Variants in CDH18 observed in about 807,000 individuals in gnomAD.
CDH18 encodes the protein cadherin-18.
CDH18 carries 31 observed loss-of-function variants against 67.9 expected under a neutral mutation model. That is an observed-to-expected ratio of 0.46 (90% CI 0.34 to 0.62). The LOEUF (loss-of-function observed/expected upper bound fraction) is 0.62. Ranked by LOEUF, CDH18 falls within the 20% of genes least tolerant of loss-of-function variation. CDH18 has a pLI of 0.01. For synonymous variants in CDH18, 362 were observed against 347.2 expected (o/e 1.04, Z -0.48); for missense variants, 890 against 975.5 (o/e 0.91, Z 1.17).
At chr5:20,439,113 A>G (rs1303867720) in intron 1 of CDH18, among the ~76,000 whole-genome samples, 1 of 151,534 alleles carries the variant, frequency 6.6e-6, no homozygotes, top group East Asian at 1.9e-4. Context: ...TTTTAGAAAT[A>G]TGTACATATT....
rs183779793 is a variant in CDH18 at position 20,420,071 on chromosome 5, C to A, written c.-580+155391G>T. Among the ~76,000 whole-genome samples the A allele has an allele frequency of 1.5e-3, 230 of 151,172 alleles. 2 individuals carry two copies. Among genetic ancestry groups the A allele is most frequent in the Middle Eastern group, 3.4e-3 (1 of 294 alleles). On this transcript the variant is annotated intron_variant, in intron 1 of 14. Coordinates refer to the CDH18 transcript ENST00000507958. ...TTAGAGTAATGCTGAACATTCACCA[C>A]CACAGCAGATTATGTGAGCCTGGAG...
chr5:20,556,554 G>A (rs527296232), intron 1 of CDH18, among the ~76,000 whole-genome samples: 24 of 152,144 alleles, frequency 1.6e-4, no homozygotes, highest in African/African-American at 5.8e-4. Flanking sequence ...TCACTCCTGC[G>A]TGCTCCAGCA....
chr5:20,046,894 C>A (rs1360486892), intron 2 of CDH18, among the ~76,000 whole-genome samples: 1 of 151,754 alleles, frequency 6.6e-6, no homozygotes, highest in Non-Finnish European at 1.5e-5. Context: ...AGAAACATCT[C>A]TTTCAAGAAA....
intron 1 of CDH18, among the ~76,000 whole-genome samples, chr5:20,411,827 G>A (rs958621673): frequency 1.3e-5 from 2 of 151,646 alleles, no homozygotes; most frequent in African/African-American, 4.8e-5. Flanking sequence ...ATCTAACCAA[G>A]GAAGTGAAAA....
At chr5:20,408,615 GC>G (rs1467605213) in intron 1 of CDH18, among the ~76,000 whole-genome samples, 1 of 151,250 alleles carries the variant, frequency 6.6e-6, no homozygotes. Flanking sequence ...AGAAATGAAA[GC>G]ATATTAATAC....
chr5:20,280,164 G>C (rs1561935333), intron 1 of CDH18, among the ~76,000 whole-genome samples: 1 of 151,464 alleles, frequency 6.6e-6, no homozygotes, highest in African/African-American at 2.4e-5. Context: ...ATTGAAAGAA[G>C]AAAAAAACTT....
chr5:20,082,686 G>A (rs1454251352), intron 2 of CDH18, among the ~76,000 whole-genome samples: 1 of 152,186 alleles, frequency 6.6e-6, no homozygotes, highest in African/African-American at 2.4e-5. Flanking sequence ...CAAAGATAAT[G>A]AAGTTAAAAT....
intron 1 of CDH18, among the ~76,000 whole-genome samples, chr5:20,515,352 T>A (rs1755299328): frequency 6.6e-6 from 1 of 150,460 alleles, no homozygotes; most frequent in African/African-American, 2.4e-5. Context: ...TCATGGCAAC[T>A]TTTCCCTGTA....
chr5:20,398,133 T>A (rs1745433449), intron 1 of CDH18, among the ~76,000 whole-genome samples: 1 of 152,172 alleles, frequency 6.6e-6, no homozygotes, highest in African/African-American at 2.4e-5. Flanking sequence ...GAATAATTCA[T>A]CATTTTAAAT....
chr5:19,756,976 C>A (rs1426007462), intron 3 of CDH18, among the ~76,000 whole-genome samples: 2 of 152,170 alleles, frequency 1.3e-5, no homozygotes, highest in Non-Finnish European at 2.9e-5. Context: ...CTCAGCCCTG[C>A]AAAGTATTGT....
At chr5:20,060,372 G>A (rs1742358763) in intron 2 of CDH18, among the ~76,000 whole-genome samples, 1 of 152,032 alleles carries the variant, frequency 6.6e-6, no homozygotes, top group South Asian at 2.1e-4. Context: ...GCTGAGGAAG[G>A]AGAATCGCTT....
At chr5:20,091,779 A>T (rs1284321000) in intron 2 of CDH18, among the ~76,000 whole-genome samples, 2 of 152,084 alleles carry the variant, frequency 1.3e-5, no homozygotes, top group Non-Finnish European at 2.9e-5. Context: ...GAGAGGAGGC[A>T]ATAGTTTAAA....
At chr5:19,888,196 G>T (rs1037787722) in intron 2 of CDH18, among the ~76,000 whole-genome samples, 1 of 151,988 alleles carries the variant, frequency 6.6e-6, no homozygotes, top group Non-Finnish European at 1.5e-5. Context: ...TTGGCCATTT[G>T]CATTTTCACG....
intron 2 of CDH18, among the ~76,000 whole-genome samples, chr5:20,043,710 T>C (rs1255663475): frequency 6.6e-6 from 1 of 152,204 alleles, no homozygotes; most frequent in African/African-American, 2.4e-5. Flanking sequence ...TAAATAGCAA[T>C]ATCTTGGATT....
At chr5:19,987,414 G>A (rs983321463) in intron 1 of CDH18, among the ~76,000 whole-genome samples, 1 of 152,064 alleles carries the variant, frequency 6.6e-6, no homozygotes, top group African/African-American at 2.4e-5. Context: ...TAAATAAAGT[G>A]TGTTGCTGAT....
intron 1 of CDH18, among the ~76,000 whole-genome samples, chr5:20,562,542 A>G (rs1293708560): frequency 6.6e-6 from 1 of 151,684 alleles, no homozygotes. Context: ...TGCATTTAGT[A>G]TTATGATGTT....
intron 9 of CDH18, among the ~76,000 whole-genome samples, chr5:19,527,341 A>G (rs1747898075): frequency 6.7e-6 from 1 of 149,780 alleles, no homozygotes; most frequent in Non-Finnish European, 1.5e-5. Context: ...CTACTTTATA[A>G]TACTATTAAA....
At chr5:19,765,276 G>C (rs1561254655) in intron 3 of CDH18, among the ~76,000 whole-genome samples, 1 of 152,140 alleles carries the variant, frequency 6.6e-6, no homozygotes, top group African/African-American at 2.4e-5. Context: ...GCAAGTAAGA[G>C]TGAGATCCAC....
At chr5:20,390,468 C>A (rs1363147718) in intron 1 of CDH18, among the ~76,000 whole-genome samples, 2 of 152,088 alleles carry the variant, frequency 1.3e-5, no homozygotes, top group Admixed American at 1.3e-4. Flanking sequence ...GAATGGCGAT[C>A]ATTAAAAAGT....
Sources: gnomAD v4.1 joint callset for allele counts (sites outside exome capture counted in the v4.1 genomes callset) on GRCh38, gnomAD v4.1.1 for gene constraint, MANE v1.5 for transcripts, NCBI Gene and HGNC (gene_info 2026-07-23, HGNC 2026-07-21) for gene names.